LOC122539214: variants seen among roughly 807,000 people sequenced by gnomAD.
chr19:52,659,179 C>CG, the LOC122539214 span, among the ~76,000 whole-genome samples: 1 of 151,858 alleles, frequency 6.6e-6, no homozygotes, highest in African/African-American at 2.4e-5. Flanking sequence ...AACAGACCCC[C>CG]CACAGTTCAA....
the LOC122539214 span, chr19:52,660,835 A>G: frequency 0.43 from 80,759 of 186,290 alleles, 17,800 homozygotes; most frequent in Admixed American, 0.56. Context: ...GAGTCTTTGG[A>G]AATTAATTCT....
At chr19:52,684,836 A>G in the LOC122539214 span, among the ~76,000 whole-genome samples, 1 of 152,036 alleles carries the variant, frequency 6.6e-6, no homozygotes, top group Admixed American at 6.5e-5. Flanking sequence ...TCATGAGATG[A>G]GGGCAAGCTC....
chr19:52,680,757 C>G, the LOC122539214 span, among the ~76,000 whole-genome samples: 5 of 143,116 alleles, frequency 3.5e-5, no homozygotes, highest in Non-Finnish European at 7.5e-5. Context: ...GGACTACAGG[C>G]GCCCGCCACT....
chr19:52,659,613 C>CAAAAAGAA, the LOC122539214 span, among the ~76,000 whole-genome samples: 1 of 114,292 alleles, frequency 8.7e-6, no homozygotes, highest in African/African-American at 3.2e-5. Flanking sequence ...GACTCCAACT[C>CAAAAAGAA]AAAAAAAAAA....
chr19:52,651,021 T>C, the LOC122539214 span: 4 of 152,172 alleles, frequency 2.6e-5, no homozygotes, highest in African/African-American at 7.2e-5. Flanking sequence ...AACCTCTAAT[T>C]GAGAGCCTTA....
chr19:52,690,198 AC>A, the LOC122539214 span, among the ~76,000 whole-genome samples: 497 of 142,278 alleles, frequency 3.5e-3, 1 homozygote, highest in African/African-American at 0.012. Context: ...AAAAAAAAAA[AC>A]AACAACAACT....
chr19:52,682,595 G>A, the LOC122539214 span, among the ~76,000 whole-genome samples: 1 of 151,914 alleles, frequency 6.6e-6, no homozygotes, highest in Non-Finnish European at 1.5e-5. Context: ...TTGAACCCAG[G>A]AGTCAGAGGT....
At chr19:52,684,304 T>G in the LOC122539214 span, among the ~76,000 whole-genome samples, 93,148 of 151,166 alleles carry the variant, frequency 0.62, 28,845 homozygotes, top group Middle Eastern at 0.68. Flanking sequence ...TGGTGGAGGT[T>G]GTAGTGAGCC....
chr19:52,653,848 T>C, the LOC122539214 span, among the ~76,000 whole-genome samples: 1 of 152,348 alleles, frequency 6.6e-6, no homozygotes, highest in East Asian at 1.9e-4. Flanking sequence ...GGTTACATGA[T>C]GTCTTCTTAA....
chr19:52,658,423 A>T, the LOC122539214 span, among the ~76,000 whole-genome samples: 2 of 152,122 alleles, frequency 1.3e-5, no homozygotes, highest in Non-Finnish European at 2.9e-5. Context: ...ACAATTAGCC[A>T]GGTGTGGTGG....
At chr19:52,679,700 AC>A in the LOC122539214 span, among the ~76,000 whole-genome samples, 1 of 152,196 alleles carries the variant, frequency 6.6e-6, no homozygotes, top group African/African-American at 2.4e-5. Context: ...GTCCACGCTG[AC>A]AATTCTGCTC....
the LOC122539214 span, chr19:52,650,460 TG>T: frequency 1.3e-5 from 2 of 152,204 alleles, no homozygotes; most frequent in Non-Finnish European, 2.9e-5. Context: ...TTTCTCCATG[TG>T]GGTCAGGCTG....
At chr19:52,666,552 AGAAAAATAACTTT>A in the LOC122539214 span, among the ~76,000 whole-genome samples, 1 of 151,928 alleles carries the variant, frequency 6.6e-6, no homozygotes, top group South Asian at 2.1e-4. Flanking sequence ...CAGAAGAAAC[AGAAAAATAACTTT>A]TAGAGGAAAC....
At chr19:52,686,154 C>A in the LOC122539214 span, among the ~76,000 whole-genome samples, 1 of 152,062 alleles carries the variant, frequency 6.6e-6, no homozygotes, top group South Asian at 2.1e-4. Context: ...CACACTGAAA[C>A]AATCAAACTT....
the LOC122539214 span, chr19:52,654,457 A>G: frequency 1.3e-4 from 91 of 700,000 alleles, 1 homozygote; most frequent in Non-Finnish European, 9.1e-6. Context: ...GGTAAATAAT[A>G]TTTAATACTG....
the LOC122539214 span, among the ~76,000 whole-genome samples, chr19:52,687,409 TAA>T: frequency 3.5e-5 from 2 of 57,234 alleles, no homozygotes; most frequent in African/African-American, 1.5e-4. Context: ...TATAGCTATA[TAA>T]ATTATAATAT....
At chr19:52,683,228 CTGTGTGTGTGTGTGTGTGTG>C in the LOC122539214 span, among the ~76,000 whole-genome samples, 7,199 of 128,020 alleles carry the variant, frequency 0.056, 605 homozygotes, top group African/African-American at 0.2. Flanking sequence ...CCCTGTGACT[CTGTGTGTGTGTGTGTGTGTG>C]TGTGTGTGTG....
chr19:52,681,215 G>A, the LOC122539214 span, among the ~76,000 whole-genome samples: 2 of 144,358 alleles, frequency 1.4e-5, no homozygotes, highest in South Asian at 2.3e-4. Context: ...CCCAGGAGAC[G>A]GAGGCTGCAG....
At chr19:52,677,798 T>C in the LOC122539214 span, among the ~76,000 whole-genome samples, 2 of 151,930 alleles carry the variant, frequency 1.3e-5, no homozygotes, top group African/African-American at 2.4e-5. Context: ...CTTTGGGAAG[T>C]GGAGGTGGGT....
Sources: gnomAD v4.1 joint callset for allele counts (sites outside exome capture counted in the v4.1 genomes callset) on GRCh38, gnomAD v4.1.1 for gene constraint, MANE v1.5 for transcripts.